LMX1A: variants seen among roughly 807,000 people sequenced by gnomAD.
LMX1A encodes the protein LIM homeobox transcription factor 1-alpha.
Under a neutral mutation model 49.1 loss-of-function variants are expected in LMX1A, and 15 were observed. The ratio of observed to expected loss-of-function variants is 0.31; its 90% CI spans 0.20 to 0.47. The LOEUF is 0.47. Ranked by LOEUF, LMX1A falls within the 20% of genes least tolerant of loss-of-function variation. The pLI, the probability that LMX1A is intolerant of heterozygous loss-of-function variation, is 1.00. For missense variants in LMX1A, 372 were observed against 475.8 expected (o/e 0.78, Z 2.03); for synonymous variants, 167 against 185.7 (o/e 0.90, Z 0.82).
In LMX1A at chr1:165,270,233, G is replaced by T. The variant is rs558544638; in HGVS notation, c.264-20593C>A. ...GTCTTATCCTGCCCCCAGCTACCTG[G>T]CATGGCTCTGTCCTCTCCACCAATC... On this transcript the variant is annotated intron_variant, in intron 3 of 8. Coordinates refer to ENST00000342310, the MANE Select transcript of LMX1A (RefSeq NM_177398.4). Among the ~76,000 whole-genome samples the T allele has an allele frequency of 4.6e-4, 70 of 152,130 alleles. 2 individuals are homozygous for T. In the South Asian group the frequency reaches 0.013, roughly 28 times the overall value.
chr1:165,287,837 C>T (rs755713663), intron 3 of LMX1A, among the ~76,000 whole-genome samples: 49 of 152,062 alleles, frequency 3.2e-4, no homozygotes, highest in Non-Finnish European at 6.2e-4. Flanking sequence ...TCTCTAAAGG[C>T]TCTTTTATTT....
chr1:165,257,246 C>T (rs1431380547), intron 3 of LMX1A, among the ~76,000 whole-genome samples: 1 of 151,950 alleles, frequency 6.6e-6, no homozygotes, highest in Non-Finnish European at 1.5e-5. Context: ...TCTGGGATGG[C>T]GAACTCATGG....
intron 3 of LMX1A, among the ~76,000 whole-genome samples, chr1:165,305,337 G>A (rs1265429370): frequency 2.0e-5 from 3 of 152,140 alleles, no homozygotes; most frequent in Admixed American, 2.0e-4. Context: ...CTGAGCAAAG[G>A]GGAGAGGAAA....
At chr1:165,220,858 A>T (rs1472253072) in intron 4 of LMX1A, among the ~76,000 whole-genome samples, 2 of 152,178 alleles carry the variant, frequency 1.3e-5, no homozygotes, top group East Asian at 1.9e-4. Context: ...CCTAGTTCTA[A>T]TTTTGCTACT....
intron 3 of LMX1A, among the ~76,000 whole-genome samples, chr1:165,344,957 G>C (rs748690384): frequency 6.6e-6 from 1 of 152,166 alleles, no homozygotes; most frequent in South Asian, 2.1e-4. Context: ...TCAGGCTGTC[G>C]GGTGCTCAAA....
intron 3 of LMX1A, among the ~76,000 whole-genome samples, chr1:165,266,064 C>T (rs1189781108): frequency 6.6e-6 from 1 of 152,158 alleles, no homozygotes; most frequent in East Asian, 1.9e-4. Flanking sequence ...TGAGGTACTA[C>T]TGCAGGTTCT....
chr1:165,307,541 A>G (rs891123804), intron 3 of LMX1A, among the ~76,000 whole-genome samples: 2 of 152,194 alleles, frequency 1.3e-5, no homozygotes, highest in Non-Finnish European at 1.5e-5. Flanking sequence ...TCCCCTCCCC[A>G]AGATTATGCT....
At chr1:165,315,328 G>C (rs74118583) in intron 3 of LMX1A, among the ~76,000 whole-genome samples, 2,806 of 152,188 alleles carry the variant, frequency 0.018, 67 homozygotes, top group African/African-American at 0.064. Flanking sequence ...CCACACTAAC[G>C]AAAGAATATT....
At chr1:165,290,962 C>CT (rs1654452286) in intron 3 of LMX1A, among the ~76,000 whole-genome samples, 1 of 152,200 alleles carries the variant, frequency 6.6e-6, no homozygotes, top group African/African-American at 2.4e-5. Context: ...TTTTAGTGTT[C>CT]TTTCCCCAGC....
At chr1:165,298,431 A>G (rs772962870) in intron 3 of LMX1A, among the ~76,000 whole-genome samples, 13 of 152,234 alleles carry the variant, frequency 8.5e-5, no homozygotes, top group Non-Finnish European at 1.3e-4. Context: ...ATAGTTCTAA[A>G]TGGCAAGCAG....
intron 3 of LMX1A, among the ~76,000 whole-genome samples, chr1:165,326,452 G>A (rs2055681): frequency 0.85 from 129,552 of 152,226 alleles, 56,147 homozygotes; most frequent in East Asian, 0.94. Flanking sequence ...GGAATCAATG[G>A]AGACGGAATT....
chr1:165,347,759 A>G (rs750542680), intron 3 of LMX1A, among the ~76,000 whole-genome samples: 5 of 152,256 alleles, frequency 3.3e-5, no homozygotes, highest in Non-Finnish European at 5.9e-5. Context: ...AAAATTCAAC[A>G]ATGACATTTT....
At chr1:165,224,081 C>T (rs1349446668) in intron 4 of LMX1A, among the ~76,000 whole-genome samples, 1 of 152,166 alleles carries the variant, frequency 6.6e-6, no homozygotes, top group Non-Finnish European at 1.5e-5. Flanking sequence ...TTAACACCAT[C>T]CCTCTTGGTG....
At chr1:165,220,384 T>A (rs1208895861) in intron 4 of LMX1A, among the ~76,000 whole-genome samples, 4 of 151,786 alleles carry the variant, frequency 2.6e-5, no homozygotes, top group East Asian at 1.9e-4. Context: ...GAAAGCCCAG[T>A]GGGAAGAAGG....
chr1:165,208,009 G>T (rs1418476223), intron 7 of LMX1A, 54 bp downstream of exon 7: 19 of 1,530,852 alleles, frequency 1.2e-5, no homozygotes, highest in Non-Finnish European at 1.7e-5. Context: ...GAGGCCTCTG[G>T]TAGGAACAGC....
At position 165,213,830 on chromosome 1, in the gene LMX1A, A is replaced by C; in HGVS notation, c.497-17T>G. On this transcript the variant is annotated splice_polypyrimidine_tract_variant and intron_variant, in intron 4 of 8. Transcript: ENST00000342310. ...CACTTTTACCTGAAAGAAGCAAAAG[A>C]CAATGTTGTGAGTCCCTGAAAGCCA... 1.2e-6 allele frequency: 2 copies of C among 1,613,032 alleles called. No individual in the cohort carries two copies. The highest frequency in any genetic ancestry group is 1.7e-6 in the Non-Finnish European group (2 of 1,179,538).
At chr1:165,262,589 C>T (rs545417803) in intron 3 of LMX1A, among the ~76,000 whole-genome samples, 33 of 152,294 alleles carry the variant, frequency 2.2e-4, no homozygotes, top group Non-Finnish European at 4.4e-4. Context: ...GATACCCCTT[C>T]CCACTTGATT....
chr1:165,239,427 G>T (rs1398663169), intron 4 of LMX1A, among the ~76,000 whole-genome samples: 1 of 152,172 alleles, frequency 6.6e-6, no homozygotes, highest in Non-Finnish European at 1.5e-5. Context: ...GTAGAATTAA[G>T]TTCTTATTCT....
rs111916854 is a variant in LMX1A, at chr1:165,334,225, T to C, written c.263+18851A>G. ...TAATATGAACAAAGCAGTGAATAGATTGCGGGATAGATCAACTAACCAGCC... is the reference window on the plus strand; with the variant it reads ...TAATATGAACAAAGCAGTGAATAGACTGCGGGATAGATCAACTAACCAGCC... On this transcript the variant is annotated intron_variant, in intron 3 of 8. Coordinates refer to ENST00000342310, the MANE Select transcript of LMX1A (RefSeq NM_177398.4). Among the ~76,000 whole-genome samples the C allele has an allele frequency of 7.8e-3, 1,195 of 152,250 alleles. 10 individuals carry two copies. Among genetic ancestry groups the C allele is most frequent in the Non-Finnish European group, 0.011 (782 of 68,012 alleles).
Sources: gnomAD v4.1 joint callset for allele counts (sites outside exome capture counted in the v4.1 genomes callset) on GRCh38, gnomAD v4.1.1 for gene constraint, MANE v1.5 for transcripts, NCBI Gene and HGNC (gene_info 2026-07-23, HGNC 2026-07-21) for gene names.